The following CALN1 variants were observed in gnomAD, a reference collection of about 807,000 sequenced individuals.
CALN1 encodes calneuron 1, also known as calcium-binding protein 8.
In CALN1, 17 loss-of-function variants were observed where a neutral mutation model predicts 30.6. The ratio of observed to expected loss-of-function variants is 0.56; its 90% CI spans 0.38 to 0.83. The LOEUF (loss-of-function observed/expected upper bound fraction) is 0.83. CALN1 is among the 40% of genes least tolerant of loss of function. The pLI, the probability that CALN1 is intolerant of heterozygous loss-of-function variation, is 0.00. For synonymous variants in CALN1, 156 were observed against 131.4 expected, an observed-to-expected ratio of 1.19 and a Z score of -1.28; for missense variants, 291 against 354.9, an observed-to-expected ratio of 0.82 and a Z score of 1.45.
At chr7:72,178,116 A>T (rs1054350062) in intron 3 of CALN1, among the ~76,000 whole-genome samples, 31 of 152,144 alleles carry the variant, frequency 2.0e-4, no homozygotes, top group African/African-American at 7.5e-4. Context: ...AAAATGGGGG[A>T]AAAAATTTGT....
At chr7:72,150,906 G>A (rs74496547) in intron 3 of CALN1, among the ~76,000 whole-genome samples, 15 of 105,904 alleles carry the variant, frequency 1.4e-4, no homozygotes, top group Middle Eastern at 5.2e-3. Flanking sequence ...GATGATGATG[G>A]TGACGATGAC....
At chr7:72,224,071 AG>A (rs2129550062) in intron 3 of CALN1, among the ~76,000 whole-genome samples, 1 of 152,314 alleles carries the variant, frequency 6.6e-6, no homozygotes, top group Admixed American at 6.5e-5. Context: ...CCTGGGTGAC[AG>A]GATCAATCGT....
At chr7:72,198,369 A>C (rs1791178714) in intron 3 of CALN1, among the ~76,000 whole-genome samples, 1 of 152,240 alleles carries the variant, frequency 6.6e-6, no homozygotes, top group Non-Finnish European at 1.5e-5. Flanking sequence ...TTGGCAAAGG[A>C]TCGCAGGTAC....
At chr7:71,909,454 C>G (rs568975760) in intron 5 of CALN1, among the ~76,000 whole-genome samples, 1 of 151,616 alleles carries the variant, frequency 6.6e-6, no homozygotes, top group Middle Eastern at 3.4e-3. Flanking sequence ...AAAAAAAAAG[C>G]AGACTGCTAA....
At chr7:72,388,304 G>A (rs1462752235) in intron 2 of CALN1, among the ~76,000 whole-genome samples, 1 of 152,036 alleles carries the variant, frequency 6.6e-6, no homozygotes, top group African/African-American at 2.4e-5. Flanking sequence ...CTTCCCAAGA[G>A]GTACTTCCTA....
intron 3 of CALN1, among the ~76,000 whole-genome samples, chr7:72,272,486 C>T (rs1226339101): frequency 6.6e-6 from 1 of 152,088 alleles, no homozygotes; most frequent in Non-Finnish European, 1.5e-5. Flanking sequence ...CACTTGAACC[C>T]AGGAGGTGGA....
chr7:72,142,322 T>C (rs888257696), intron 3 of CALN1, among the ~76,000 whole-genome samples: 1 of 152,156 alleles, frequency 6.6e-6, no homozygotes, highest in Non-Finnish European at 1.5e-5. Flanking sequence ...ACCAGGAGAT[T>C]ATATTCCGTG....
At chr7:72,336,081 G>A (rs1000839252) in intron 2 of CALN1, among the ~76,000 whole-genome samples, 4 of 152,214 alleles carry the variant, frequency 2.6e-5, no homozygotes, top group African/African-American at 7.2e-5. Context: ...GACTGCAGAG[G>A]CCTCTCTGGT....
intron 2 of CALN1, among the ~76,000 whole-genome samples, chr7:72,283,766 G>A (rs987640157): frequency 6.6e-6 from 1 of 152,158 alleles, no homozygotes. Flanking sequence ...ACTGTGCTGA[G>A]GGATCAGGTG....
intron 2 of CALN1, among the ~76,000 whole-genome samples, chr7:72,282,914 C>G (rs1166298606): frequency 6.6e-6 from 1 of 152,018 alleles, no homozygotes; most frequent in Non-Finnish European, 1.5e-5. Flanking sequence ...ATTAGCCAGG[C>G]ATGGTGGTGG....
chr7:72,099,684 C>T (rs538129095), intron 4 of CALN1, among the ~76,000 whole-genome samples: 92 of 152,228 alleles, frequency 6.0e-4, no homozygotes, highest in Admixed American at 5.8e-3. Context: ...CAGCAATACC[C>T]GTAGCCTACA....
At chr7:72,204,152 C>T (rs985442581) in intron 3 of CALN1, among the ~76,000 whole-genome samples, 11 of 138,110 alleles carry the variant, frequency 8.0e-5, no homozygotes, top group Non-Finnish European at 1.7e-4. Context: ...CCACACCTGG[C>T]TAATTTTTTT....
the CALN1 span, among the ~76,000 whole-genome samples, chr7:72,454,927 G>A: frequency 6.6e-6 from 1 of 151,798 alleles, no homozygotes; most frequent in East Asian, 1.9e-4. Flanking sequence ...CACCTCCCGG[G>A]TTCAAGTGAT....
At chr7:71,980,270 T>C (rs1055657338) in intron 5 of CALN1, among the ~76,000 whole-genome samples, 3 of 150,400 alleles carry the variant, frequency 2.0e-5, no homozygotes, top group African/African-American at 7.4e-5. Flanking sequence ...CACTGCAACC[T>C]TCACCTCCCA....
chr7:72,138,379 G>A (rs1023367797), intron 3 of CALN1, among the ~76,000 whole-genome samples: 3 of 152,122 alleles, frequency 2.0e-5, no homozygotes, highest in Non-Finnish European at 2.9e-5. Context: ...GTAAACTGGA[G>A]GCTCGAATAC....
chr7:72,447,523 C>T (rs1808565846), upstream of CALN1, among the ~76,000 whole-genome samples: 1 of 152,048 alleles, frequency 6.6e-6, no homozygotes. Flanking sequence ...ATCGGTGACA[C>T]CCTCTTCAGA....
At chr7:71,843,184 C>T (rs1790036762) in intron 5 of CALN1, among the ~76,000 whole-genome samples, 1 of 152,172 alleles carries the variant, frequency 6.6e-6, no homozygotes, top group Non-Finnish European at 1.5e-5. Context: ...TCTCCTTTCC[C>T]CTCTTTAAAT....
chr7:71,787,715 T>C lies in CALN1; in HGVS notation c.*60A>G. ...GTGTCTGCTGTGTGGAGGAAGAGTC[T>C]GCCCGCACGGCATGCACATGCGCGG... is the stretch of plus-strand genomic sequence containing the variant. On this transcript the variant is annotated 3_prime_UTR_variant, in exon 7 of 7. Coordinates refer to ENST00000395275, the MANE Select transcript of CALN1 (RefSeq NM_031468.4). The C allele has an allele frequency of 6.3e-7, 1 of 1,597,970 alleles. No homozygotes were observed. The highest frequency in any genetic ancestry group is 1.1e-5 in the South Asian group (1 of 89,256).
At chr7:72,206,971 A>G (rs1426709386) in intron 3 of CALN1, among the ~76,000 whole-genome samples, 1 of 152,212 alleles carries the variant, frequency 6.6e-6, no homozygotes, top group Non-Finnish European at 1.5e-5. Context: ...TATAGACATT[A>G]TCTGTCACTG....
Sources: gnomAD v4.1 joint callset for allele counts (sites outside exome capture counted in the v4.1 genomes callset) on GRCh38, gnomAD v4.1.1 for gene constraint, MANE v1.5 for transcripts, NCBI Gene and HGNC (gene_info 2026-07-23, HGNC 2026-07-21) for gene names.